PIP4K2A: variants seen among roughly 807,000 people sequenced by gnomAD.
PIP4K2A encodes phosphatidylinositol-5-phosphate 4-kinase type 2 alpha.
In PIP4K2A, 14 loss-of-function variants were observed where a neutral mutation model predicts 42.9. The ratio of observed to expected loss-of-function variants is 0.33; its 90% confidence interval spans 0.22 to 0.51. The LOEUF is 0.51. Ranked by LOEUF, PIP4K2A falls within the 20% of genes least tolerant of loss-of-function variation. PIP4K2A has a pLI of 0.97. For synonymous variants in PIP4K2A, 192 were observed against 192.2 expected, an observed-to-expected ratio of 1.00 and a Z score of 0.01; for missense variants, 434 against 519.8, an observed-to-expected ratio of 0.83 and a Z score of 1.61.
chr10:22,610,656 G>C (rs142456911), intron 1 of PIP4K2A, among the ~76,000 whole-genome samples: 1 of 152,288 alleles, frequency 6.6e-6, no homozygotes, highest in African/African-American at 2.4e-5. Context: ...TTCCCCCAAA[G>C]TGAGTTTAAT....
rs1835912686 is a variant in PIP4K2A, at chr10:22,536,182, T to C, written c.*1019A>G. On this transcript the variant is annotated 3_prime_UTR_variant, in exon 10 of 10. Coordinates refer to ENST00000376573, the MANE Select transcript of PIP4K2A (RefSeq NM_005028.5). ...TTGAAACAATGGTCAAACATAAACA[T>C]CTTATAATTCAGATCTGCATTTGGT... 3 of 398,374 alleles carry C rather than the reference T, an allele frequency of 7.5e-6. No individual in the cohort carries two copies. The highest frequency in any genetic ancestry group is 3.6e-5 in the East Asian group (1 of 28,062). 24.7% of individuals were successfully genotyped at this position (398,374 alleles called of 1,614,324 possible). A position where few individuals can be genotyped will look rare whatever the true frequency, so the allele number is the denominator to read the frequency against.
At chr10:22,582,236 T>C (rs1448326873) in intron 4 of PIP4K2A, among the ~76,000 whole-genome samples, 1 of 152,068 alleles carries the variant, frequency 6.6e-6, no homozygotes, top group Non-Finnish European at 1.5e-5. Flanking sequence ...AATGATAAAT[T>C]AGAGTCATGG....
chr10:22,623,614 A>C (rs1838378222), intron 1 of PIP4K2A, among the ~76,000 whole-genome samples: 1 of 152,180 alleles, frequency 6.6e-6, no homozygotes, highest in African/African-American at 2.4e-5. Context: ...GGCGGTTGGC[A>C]GGGGACGTCC....
At position 22,631,029 on chromosome 10, in the gene PIP4K2A, C is replaced by A. The variant is rs74918260; in HGVS notation, c.145-21312G>T. ...AGCTTCTCGCGATCAGGAGCCAAGT[C>A]ATGCACCCTGCCCAGAAAGCAGCAC... On this transcript the variant is annotated intron_variant, in intron 1 of 9. Transcript: ENST00000376573. 3.3e-5 allele frequency among the ~76,000 whole-genome samples: 5 copies of A among 152,318 alleles called. No homozygotes were observed. In the East Asian group the frequency reaches 9.6e-4, roughly 29 times the overall value.
At chr10:22,544,175 CCAG>C (rs1386709158) in intron 7 of PIP4K2A, among the ~76,000 whole-genome samples, 5 of 152,178 alleles carry the variant, frequency 3.3e-5, no homozygotes, top group Non-Finnish European at 5.9e-5. Flanking sequence ...GGTTAGGTGG[CCAG>C]CAGCAGCACA....
At chr10:22,673,527 G>T (rs1839495482) in intron 1 of PIP4K2A, among the ~76,000 whole-genome samples, 1 of 151,664 alleles carries the variant, frequency 6.6e-6, no homozygotes, top group African/African-American at 2.4e-5. Context: ...AGTTTAAAAA[G>T]AATAAAAATT....
At chr10:22,705,480 T>C (rs1457166474) in intron 1 of PIP4K2A, among the ~76,000 whole-genome samples, 1 of 80,154 alleles carries the variant, frequency 1.2e-5, no homozygotes, top group Admixed American at 1.6e-4. Context: ...GAGATGACAA[T>C]GAGGACAAAA....
intron 1 of PIP4K2A, among the ~76,000 whole-genome samples, chr10:22,668,994 CT>C (rs969834057): frequency 2.6e-5 from 4 of 152,078 alleles, no homozygotes; most frequent in African/African-American, 4.8e-5. Context: ...TTTTAATACT[CT>C]TTTTTTGTTG....
intron 1 of PIP4K2A, among the ~76,000 whole-genome samples, chr10:22,711,256 C>CT (rs1233215190): frequency 1.3e-5 from 2 of 152,190 alleles, no homozygotes; most frequent in Non-Finnish European, 2.9e-5. Context: ...ACATTTTCAC[C>CT]TTAATTGCAA....
At chr10:22,667,863 TTCTGTGTGTGTGTGTG>T (rs1254062615) in intron 1 of PIP4K2A, among the ~76,000 whole-genome samples, 1 of 121,220 alleles carries the variant, frequency 8.2e-6, no homozygotes, top group Admixed American at 8.8e-5. Flanking sequence ...TTCAGTGAAC[TTCTGTGTGTGTGTGTG>T]TGTGTGTGTG....
At chr10:22,643,876 G>A (rs540368474) in intron 1 of PIP4K2A, among the ~76,000 whole-genome samples, 9 of 151,980 alleles carry the variant, frequency 5.9e-5, no homozygotes, top group Non-Finnish European at 7.4e-5. Context: ...ATTACACCAC[G>A]CCTCTGCCTC....
chr10:22,583,140 T>A (rs775694091), intron 4 of PIP4K2A, among the ~76,000 whole-genome samples: 13 of 152,104 alleles, frequency 8.5e-5, no homozygotes, highest in Non-Finnish European at 1.3e-4. Flanking sequence ...ATAAACAACA[T>A]CATCATTAAA....
chr10:22,708,854 C>T (rs763622038), intron 1 of PIP4K2A, among the ~76,000 whole-genome samples: 18 of 152,352 alleles, frequency 1.2e-4, no homozygotes, highest in Middle Eastern at 3.4e-3. Context: ...ACAACCATGG[C>T]TCCCTGCAGC....
chr10:22,607,731 C>G (rs1053849165), intron 3 of PIP4K2A, 196 bp downstream of exon 3: 31 of 386,896 alleles, frequency 8.0e-5, no homozygotes, highest in Non-Finnish European at 1.4e-4. Context: ...GACTTTTATA[C>G]CGGTATCATA....
intron 1 of PIP4K2A, among the ~76,000 whole-genome samples, chr10:22,628,821 G>C (rs991568827): frequency 1.3e-5 from 2 of 152,204 alleles, no homozygotes; most frequent in African/African-American, 2.4e-5. Flanking sequence ...GCAAGCTTCA[G>C]AAAGAACAGA....
At chr10:22,548,761 A>C (rs1265594907) in intron 7 of PIP4K2A, among the ~76,000 whole-genome samples, 1 of 152,204 alleles carries the variant, frequency 6.6e-6, no homozygotes, top group Admixed American at 6.5e-5. Context: ...GTAGATGCTT[A>C]CAGGCTAAGC....
rs544930556 is a variant in PIP4K2A at position 22,552,269 on chromosome 10, G to A, written c.679-1497C>T. On this transcript the variant is annotated intron_variant, in intron 6 of 9. Transcript: ENST00000376573. ...AAGCACGTAGGTAGAAAATAAAGCA[G>A]GATGGGATGTGTATGTAAGATGTAA... 2.6e-5 allele frequency among the ~76,000 whole-genome samples: 4 copies of A among 152,172 alleles called. No homozygotes were observed. The South Asian group carries it at 6.2e-4, about 24-fold the overall frequency.
In PIP4K2A at chr10:22,615,399, A is replaced by AT. The variant is rs566142703; in HGVS notation, c.145-5683dup. On this transcript the variant is annotated intron_variant, in intron 1 of 9. Coordinates refer to ENST00000376573, the MANE Select transcript of PIP4K2A (RefSeq NM_005028.5). ...CCATCCCACCTGTCCTTTCATCAGT[A>AT]TTTTTTATACAAAGAATTGACACTT... is the stretch of plus-strand genomic sequence containing the variant. Among the ~76,000 whole-genome samples, 13 of 152,304 alleles carry AT rather than the reference A, an allele frequency of 8.5e-5. No individual in the cohort carries two copies. The East Asian group carries it at 2.3e-3, about 27-fold the overall frequency.
chr10:22,660,272 A>G (rs7085430), intron 1 of PIP4K2A, among the ~76,000 whole-genome samples: 2,117 of 152,248 alleles, frequency 0.014, 102 homozygotes, highest in East Asian at 0.11. Context: ...GGAATTCGAG[A>G]CCAGCCTGGG....
Sources: gnomAD v4.1 joint callset for allele counts (sites outside exome capture counted in the v4.1 genomes callset) on GRCh38, gnomAD v4.1.1 for gene constraint, MANE v1.5 for transcripts, NCBI Gene and HGNC (gene_info 2026-07-23, HGNC 2026-07-21) for gene names.